Variants in ECSCR observed in about 807,000 individuals in gnomAD.
ECSCR encodes endothelial cell-specific chemotaxis regulator.
In ECSCR, 12 loss-of-function variants were observed where a neutral mutation model predicts 16.7. The observed-to-expected ratio is 0.72, with a 90% CI of 0.46 to 1.17. The LOEUF is 1.17. Among genes scored for constraint, ECSCR ranks in the 50% most tolerant of loss-of-function variants. ECSCR has a pLI of 0.00. For missense variants in ECSCR, 122 were observed against 116.1 expected, an observed-to-expected ratio of 1.05 and a Z score of -0.23; for synonymous variants, 44 against 42.2, an observed-to-expected ratio of 1.04 and a Z score of -0.17.
At chr5:139,448,983 A>G (rs2152087621) in intron 9 of ECSCR, 75 bp from the exon 10 acceptor site, 1 of 1,535,172 alleles carries the variant, frequency 6.5e-7, no homozygotes, top group Middle Eastern at 1.7e-4. Context: ...GAGAAAAGCC[A>G]GAGTCTTTGA....
At chr5:139,456,413 G>T in intron 5 of ECSCR, 61 bp downstream of exon 5, 1 of 398,306 alleles carries the variant, frequency 2.5e-6, no homozygotes, top group South Asian at 1.3e-4. Flanking sequence ...GATAAGACGA[G>T]AGAAAGGGTC....
At chr5:139,454,522 G>T (rs1305316333) in intron 8 of ECSCR, 80 bp downstream of exon 8, 2 of 397,840 alleles carry the variant, frequency 5.0e-6, no homozygotes, top group Non-Finnish European at 8.9e-6. Context: ...GGGTGTGTGG[G>T]TGTGGAAGGC....
chr5:139,457,940 T>C, intron 2 of ECSCR, 133 bp from the exon 3 acceptor site: 2 of 1,231,458 alleles, frequency 1.6e-6, no homozygotes, highest in Non-Finnish European at 2.3e-6. Context: ...TCACCTCTTT[T>C]TTCTTTCAAG....
chr5:139,456,750 A>G (rs1293529506), intron 4 of ECSCR, among the ~76,000 whole-genome samples: 1 of 152,126 alleles, frequency 6.6e-6, no homozygotes, highest in Non-Finnish European at 1.5e-5. Context: ...ACCAGGCCCA[A>G]GGTCCTGTCT....
chr5:139,456,256 CCTT>C lies in ECSCR; in HGVS notation c.262+215_262+217del, dbSNP rs36172728. 6.5e-3 allele frequency among the ~76,000 whole-genome samples: 992 copies of C among 152,286 alleles called. 8 individuals are homozygous for C. The highest frequency in any genetic ancestry group is 0.031 in the Middle Eastern group (9 of 294). On this transcript the variant is annotated intron_variant, in intron 5 of 9. Transcript: ENST00000618155. ...CCAGCCTGGACGACAGAACAAGACT[CCTT>C]CTCAACAAAAAAAAGGTGCTATGTC...
chr5:139,458,119 AC>A lies in ECSCR; in HGVS notation c.106+19del. 1 of 1,548,340 alleles carries A rather than the reference AC, an allele frequency of 6.5e-7. No homozygotes were observed. The highest frequency in any genetic ancestry group is 8.7e-7 in the Non-Finnish European group (1 of 1,145,760). Reference sequence around the variant, plus strand: ...CTCCTAGGCCTACACGCTGGAGTAGACCCATGTGTTTGGTCTTACCCTGAGA... The same window carrying A: ...CTCCTAGGCCTACACGCTGGAGTAGACCATGTGTTTGGTCTTACCCTGAGA... On this transcript the variant is annotated intron_variant, in intron 2 of 9. Transcript: ENST00000618155.
intron 2 of ECSCR, 139 bp from the exon 3 acceptor site, chr5:139,457,946 T>C (rs1751196403): frequency 8.3e-7 from 1 of 1,208,700 alleles, no homozygotes; most frequent in Non-Finnish European, 1.2e-6. Flanking sequence ...CTTTTTTCTT[T>C]CAAGGTACAT....
intron 1 of ECSCR, among the ~76,000 whole-genome samples, chr5:139,460,199 G>A (rs1006494342): frequency 6.6e-6 from 1 of 151,684 alleles, no homozygotes; most frequent in African/African-American, 2.4e-5. Flanking sequence ...GCAGTGGCGC[G>A]ATCTCAGCTC....
At chr5:139,458,069 T>G (rs371919922) in intron 2 of ECSCR, 70 bp downstream of exon 2, 6 of 1,486,818 alleles carry the variant, frequency 4.0e-6, no homozygotes, top group African/African-American at 2.8e-5. Context: ...TAAATTGGCA[T>G]AGAGCTCCTC....
chr5:139,449,153 C>G lies in ECSCR; in HGVS notation c.534G>C (p.Glu178Asp), dbSNP rs1313129349. The G allele has an allele frequency of 1.3e-6, 2 of 1,537,096 alleles. No homozygotes were observed. Among genetic ancestry groups the G allele is most frequent in the Non-Finnish European group, 1.7e-6 (2 of 1,146,906 alleles). The change falls in exon 9 of 10, where the codon GAG (glutamate) becomes GAC (aspartate). Residue 178 changes from glutamate (E) to aspartate (D), a missense_variant. By Grantham distance (45) the Glu-to-Asp change is conservative. Coordinates refer to ENST00000618155, the MANE Select transcript of ECSCR (RefSeq NM_001077693.4). ...TGGAGATAAGGGTGATGCTGTCTTT[C>G]TCTCCATTGGCTGTGGAGCAGCTGG... ...LSESCSTANG[E>D]KDSITLISMK... is the part of the protein sequence containing the mutation.
At chr5:139,449,793 C>T (rs1274637380) in intron 8 of ECSCR, among the ~76,000 whole-genome samples, 2 of 152,138 alleles carry the variant, frequency 1.3e-5, no homozygotes, top group African/African-American at 4.8e-5. Context: ...ACGATCACAG[C>T]TCACTGCAGC....
At chr5:139,453,714 G>A (rs1751091901) in intron 8 of ECSCR, among the ~76,000 whole-genome samples, 17 of 145,884 alleles carry the variant, frequency 1.2e-4, no homozygotes. Context: ...TGTGTGGGGT[G>A]TGTGTGGTGT....
At chr5:139,459,300 A>G (rs1454240750) in intron 1 of ECSCR, among the ~76,000 whole-genome samples, 1 of 152,120 alleles carries the variant, frequency 6.6e-6, no homozygotes, top group East Asian at 1.9e-4. Context: ...GCCTAGAGGT[A>G]GGGGCCTGTG....
At chr5:139,457,487 G>A (rs1375029213) in intron 4 of ECSCR, 58 bp downstream of exon 4, 2 of 780,254 alleles carry the variant, frequency 2.6e-6, no homozygotes, top group Non-Finnish European at 4.8e-6. Flanking sequence ...AGCAGAAACT[G>A]TTGGGGTCCT....
chr5:139,456,572 C>T, intron 4 of ECSCR, 54 bp from the exon 5 acceptor site: 3 of 398,546 alleles, frequency 7.5e-6, no homozygotes, highest in Non-Finnish European at 1.3e-5. Flanking sequence ...CAGCTCTTCT[C>T]CCTCGCTGCT....
chr5:139,462,692 C>G lies in ECSCR; in HGVS notation c.-22G>C. The G allele has an allele frequency of 2.6e-6, 4 of 1,568,216 alleles. No homozygotes were observed. The highest frequency in any genetic ancestry group is 3.5e-6 in the Non-Finnish European group (4 of 1,158,568). On this transcript the variant is annotated 5_prime_UTR_variant, in exon 1 of 10. Coordinates refer to ENST00000618155, the MANE Select transcript of ECSCR (RefSeq NM_001077693.4). ...CCATGTCAGCTGGGTATGTGGCGGGCAGGCAGCAGCTCAGTGGAGGCTCTG... is the reference window on the plus strand; with the variant it reads ...CCATGTCAGCTGGGTATGTGGCGGGGAGGCAGCAGCTCAGTGGAGGCTCTG...
chr5:139,458,088 C>G, intron 2 of ECSCR, 51 bp downstream of exon 2: 1 of 1,528,638 alleles, frequency 6.5e-7, no homozygotes. Context: ...TCTCACCCTT[C>G]CTAAGCTCCT....
At position 139,457,936 on chromosome 5, in the gene ECSCR, C is replaced by G. The variant is rs965637736; in HGVS notation, c.107-129G>C. 4 of 1,224,750 alleles carry G rather than the reference C, an allele frequency of 3.3e-6. No homozygotes were observed. The African/African-American group carries it at 6.0e-5, about 18-fold the overall frequency. 75.9% of individuals were successfully genotyped at this position (1,224,750 alleles called of 1,614,324 possible). ...ACCCCTCATTCCCAACCATTCACCT[C>G]TTTTTTCTTTCAAGGTACATTAGAC... On this transcript the variant is annotated intron_variant, in intron 2 of 9. Transcript: ENST00000618155.
At chr5:139,462,026 G>A (rs921045965) in intron 1 of ECSCR, among the ~76,000 whole-genome samples, 1 of 152,170 alleles carries the variant, frequency 6.6e-6, no homozygotes, top group African/African-American at 2.4e-5. Context: ...CTCCTCTGGA[G>A]GTCATCTACT....
Sources: gnomAD v4.1 joint callset for allele counts (sites outside exome capture counted in the v4.1 genomes callset) on GRCh38, gnomAD v4.1.1 for gene constraint, MANE v1.5 for transcripts, NCBI Gene and HGNC (gene_info 2026-07-23, HGNC 2026-07-21) for gene names.